SPTAN1: variants seen among roughly 807,000 people sequenced by gnomAD.
SPTAN1 encodes spectrin alpha chain, non-erythrocytic 1.
In SPTAN1, 61 loss-of-function variants were observed where a neutral mutation model predicts 331.3. That is an observed-to-expected ratio of 0.18 (90% confidence interval 0.15 to 0.23). The LOEUF (loss-of-function observed/expected upper bound fraction) is 0.23. SPTAN1 is among the 10% of genes least tolerant of loss of function. The pLI is 1.00. For missense variants in SPTAN1, 2,043 were observed against 3,147.9 expected, an observed-to-expected ratio of 0.65 and a Z score of 8.40; for synonymous variants, 1,153 against 1,173.9, an observed-to-expected ratio of 0.98 and a Z score of 0.36.
chr9:128,608,121 C>T lies in SPTAN1; in HGVS notation c.4345-9C>T. The stretch of plus-strand genomic sequence containing the variant: ...CCTCATTTTCTCACCTGCCTCTTGC[C>T]CTCTTTAGCTGTTCCATCGGGACTG... On this transcript the variant is annotated splice_polypyrimidine_tract_variant and intron_variant, in intron 33 of 56. Coordinates refer to ENST00000372739, the MANE Select transcript of SPTAN1 (RefSeq NM_001130438.3). 1.2e-6 allele frequency: 2 copies of T among 1,614,150 alleles called. No homozygotes were observed. The highest frequency in any genetic ancestry group is 1.7e-6 in the Non-Finnish European group (2 of 1,180,028).
intron 1 of SPTAN1, among the ~76,000 whole-genome samples, chr9:128,555,557 T>G (rs1450631898): frequency 6.6e-6 from 1 of 151,832 alleles, no homozygotes; most frequent in African/African-American, 2.4e-5. Context: ...TAGGATTTGT[T>G]TGGGGTTTTT....
intron 3 of SPTAN1, among the ~76,000 whole-genome samples, chr9:128,571,648 A>G (rs568770416): frequency 1.1e-4 from 16 of 152,346 alleles, no homozygotes; most frequent in Non-Finnish European, 1.9e-4. Context: ...TTGAGTAGGT[A>G]TTAGGAGCTA....
chr9:128,632,282 C>T lies in SPTAN1; in HGVS notation c.6918C>T (p.Gly2306=), dbSNP rs146535920. 6.2e-7 allele frequency: 1 copy of T among 1,613,528 alleles called. No individual in the cohort carries two copies. Residue 2306 remains glycine, a synonymous_variant, in exon 53 of 57, where the codon GGC becomes GGT. Coordinates refer to ENST00000372739, the MANE Select transcript of SPTAN1 (RefSeq NM_001130438.3). ...AQQWDQLDQL[G]MRMQHNLEQQ... ...AGTGGGACCAGCTGGACCAGCTGGG[C>T]ATGCGCATGCAGCACAACCTGGAGC...
At position 128,594,257 on chromosome 9, in the gene SPTAN1, G is replaced by A; in HGVS notation, c.3298G>A (p.Ala1100Thr). 1.2e-6 allele frequency: 2 copies of A among 1,614,090 alleles called. No homozygotes were observed. Among genetic ancestry groups the A allele is most frequent in the Middle Eastern group, 1.6e-4 (1 of 6,062 alleles). ...SCKKFMLFRE[A>T]NELQQWINEK... is the part of the protein sequence containing the mutation. ...CAAGAAGTTTATGTTGTTCCGTGAA[G>A]CGAATGAACTACAGCAATGGATCAA... The change falls in exon 24 of 57, where the codon GCG becomes ACG. Residue 1100 changes from alanine (A) to threonine (T), a missense_variant. Coordinates refer to ENST00000372739, the MANE Select transcript of SPTAN1 (RefSeq NM_001130438.3).
rs779838514 is a variant in SPTAN1 at position 128,583,224 on chromosome 9, C to G, written c.1954C>G (p.Arg652Gly). 5.6e-6 allele frequency: 9 copies of G among 1,613,748 alleles called. No homozygotes were observed. Among genetic ancestry groups the G allele is most frequent in the Non-Finnish European group, 8.5e-7 (1 of 1,180,010 alleles). ...CTATGCCAAGGATGAAGTGGCAGCT[C>G]GTATGAATGAGGTGATCAGTTTGTG... ...NHYAKDEVAA[R>G]MNEVISLWKK... Residue 652 changes from arginine (R) to glycine (G), a missense_variant, in exon 15 of 57, where the codon CGT becomes GGT. This residue lies in a region of SPTAN1 where 1,038 missense variants were observed against 1,531.5 expected (regional missense o/e 0.68). Coordinates refer to ENST00000372739, the MANE Select transcript of SPTAN1 (RefSeq NM_001130438.3).
chr9:128,624,740 A>T (rs1589382071), intron 46 of SPTAN1: 1 of 574,810 alleles, frequency 1.7e-6, no homozygotes, highest in Admixed American at 3.0e-5. Context: ...CAGAGATGGC[A>T]TAATGTGACG....
intron 19 of SPTAN1, 73 bp downstream of exon 19, chr9:128,586,038 G>T: frequency 7.4e-7 from 1 of 1,357,736 alleles, no homozygotes; most frequent in Non-Finnish European, 1.0e-6. Context: ...GAAGTTAGGA[G>T]AAGTAGTGAT....
intron 3 of SPTAN1, among the ~76,000 whole-genome samples, chr9:128,572,879 A>G (rs986739806): frequency 1.3e-5 from 2 of 150,792 alleles, no homozygotes; most frequent in African/African-American, 4.9e-5. Context: ...AGTGCCTTTC[A>G]CTTCTTTCTC....
At chr9:128,573,379 T>G (rs539108471) in intron 3 of SPTAN1, among the ~76,000 whole-genome samples, 2 of 152,362 alleles carry the variant, frequency 1.3e-5, no homozygotes, top group Non-Finnish European at 2.9e-5. Context: ...CAAACTGTCT[T>G]TTCACAGAAG....
intron 20 of SPTAN1, 73 bp from the exon 21 acceptor site, chr9:128,588,736 G>C: frequency 1.2e-6 from 2 of 1,602,518 alleles, no homozygotes; most frequent in Non-Finnish European, 8.5e-7. Context: ...GGTGGCATTT[G>C]AATCTGCTCT....
rs540885853 is a variant in SPTAN1 at position 128,611,168 on chromosome 9, A to C, written c.4774-546A>C. ...TCACTCCCAAATAGCTAGCATAGCT[A>C]CTGCAAGAATTGATTTTTTGGCCAG... On this transcript the variant is annotated intron_variant, in intron 37 of 56. Transcript: ENST00000372739. Among the ~76,000 whole-genome samples the C allele has an allele frequency of 7.9e-5, 12 of 152,326 alleles. No individual in the cohort carries two copies. The South Asian group carries it at 2.5e-3, about 32-fold the overall frequency.
chr9:128,576,817 G>A lies in SPTAN1; in HGVS notation c.652-6G>A, dbSNP rs115815276. The A allele has an allele frequency of 7.9e-4, 1,268 of 1,613,510 alleles. 10 individuals are homozygous for A. In the African/African-American group the frequency reaches 0.015, roughly 19 times the overall value. ...ACAAATCCAGTCTCTTCTCTTCCTT[G>A]TTTAGGAGCAGCACCCTGAGGAGGA... On this transcript the variant is annotated splice_polypyrimidine_tract_variant and splice_region_variant and intron_variant, in intron 5 of 56. Transcript: ENST00000372739.
intron 24 of SPTAN1, among the ~76,000 whole-genome samples, chr9:128,597,031 C>T (rs1442877959): frequency 6.6e-6 from 1 of 152,132 alleles, no homozygotes; most frequent in East Asian, 1.9e-4. Context: ...GTGGTAGCGC[C>T]TGCCTGTAGA....
At chr9:128,587,461 A>G in intron 19 of SPTAN1, 145 bp from the exon 20 acceptor site, 2 of 715,132 alleles carry the variant, frequency 2.8e-6, no homozygotes, top group East Asian at 2.7e-5. Context: ...TGAAAATGAT[A>G]TTAGCACTGT....
At chr9:128,619,516 C>G (rs1274202272) in intron 44 of SPTAN1, among the ~76,000 whole-genome samples, 1 of 152,236 alleles carries the variant, frequency 6.6e-6, no homozygotes, top group East Asian at 1.9e-4. Context: ...GTGGCAGCAT[C>G]ACTCCAGTCT....
At position 128,584,817 on chromosome 9, in the gene SPTAN1, A is replaced by G. The variant is rs1564229501; in HGVS notation, c.2534A>G (p.Gln845Arg). 1.2e-6 allele frequency: 2 copies of G among 1,614,250 alleles called. No individual in the cohort carries two copies. Among genetic ancestry groups the G allele is most frequent in the Admixed American group, 1.7e-5 (1 of 60,028 alleles). The part of the protein sequence containing the change: ...GHEPRIKAVT[Q>R]KGNAMVEEGH... ...GAACCACGCATCAAAGCAGTTACAC[A>G]GAAGGGGAATGCCATGGTGGAGGAA... is the stretch of plus-strand genomic sequence containing the variant. The change falls in exon 18 of 57, where the codon CAG becomes CGG. Residue 845 changes from glutamine to arginine, a missense_variant. Around this residue, in one of 12 missense-constraint regions of SPTAN1, gnomAD observed 1,038 missense variants for 1,531.5 expected, o/e 0.68. Coordinates refer to ENST00000372739, the MANE Select transcript of SPTAN1 (RefSeq NM_001130438.3).
chr9:128,582,657 G>A (rs765385842), intron 13 of SPTAN1, 37 bp from the exon 14 acceptor site: 1 of 1,611,462 alleles, frequency 6.2e-7, no homozygotes, highest in South Asian at 1.1e-5. Flanking sequence ...CTTTGGGAGT[G>A]AACACTAGAG....
chr9:128,613,532 C>G, intron 40 of SPTAN1, 47 bp downstream of exon 40: 2 of 1,453,010 alleles, frequency 1.4e-6, no homozygotes, highest in South Asian at 1.1e-5. Flanking sequence ...GGACACAGCT[C>G]TGCCTGACTC....
chr9:128,557,782 G>A (rs574894574), intron 1 of SPTAN1, among the ~76,000 whole-genome samples: 8 of 148,198 alleles, frequency 5.4e-5, no homozygotes, highest in African/African-American at 2.0e-4. Flanking sequence ...TGTATCTTTG[G>A]ATTAAATTAG....
Sources: gnomAD v4.1 joint callset for allele counts (sites outside exome capture counted in the v4.1 genomes callset) on GRCh38, gnomAD v4.1.1 for gene constraint, gnomAD v4.1.1 regional missense constraint, MANE v1.5 for transcripts, NCBI Gene and HGNC (gene_info 2026-07-23, HGNC 2026-07-21) for gene names.